Variants in DLGAP2 observed in about 807,000 individuals in gnomAD.
DLGAP2 encodes the protein DLG associated protein 2.
In DLGAP2, 26 loss-of-function variants were observed where a neutral mutation model predicts 100.3. The observed-to-expected ratio is 0.26, with a 90% CI of 0.19 to 0.36. DLGAP2 has a LOEUF of 0.36. Among genes scored for constraint, DLGAP2 ranks in the 10% least tolerant of loss-of-function variants. The pLI is 1.00. For missense variants in DLGAP2, 1,858 were observed against 1,453.2 expected, an observed-to-expected ratio of 1.28 and a Z score of -4.53; for synonymous variants, 886 against 630.1, an observed-to-expected ratio of 1.41 and a Z score of -6.08.
At chr8:1,629,413 C>A (rs1456116965) in intron 7 of DLGAP2, among the ~76,000 whole-genome samples, 2 of 152,166 alleles carry the variant, frequency 1.3e-5, no homozygotes, top group Non-Finnish European at 2.9e-5. Flanking sequence ...GTCCTCCAGC[C>A]CCCTGCTCCC....
At chr8:1,065,324 A>T (rs1329319368) in intron 2 of DLGAP2, among the ~76,000 whole-genome samples, 2 of 152,260 alleles carry the variant, frequency 1.3e-5, no homozygotes, top group African/African-American at 4.8e-5. Context: ...CGCATTTTTC[A>T]TATGACTAGC....
chr8:747,200 G>T (rs1239520738), intron 1 of DLGAP2, among the ~76,000 whole-genome samples: 1 of 152,050 alleles, frequency 6.6e-6, no homozygotes, highest in African/African-American at 2.4e-5. Flanking sequence ...CTGCTCTTCT[G>T]AGTTTGTGTA....
At chr8:854,228 G>A (rs1797234112) in intron 1 of DLGAP2, among the ~76,000 whole-genome samples, 1 of 152,186 alleles carries the variant, frequency 6.6e-6, no homozygotes. Flanking sequence ...ACCACCATGA[G>A]GGGGACAGCG....
chr8:1,167,570 A>T (rs1480517532), intron 2 of DLGAP2, among the ~76,000 whole-genome samples: 14 of 152,190 alleles, frequency 9.2e-5, no homozygotes, highest in African/African-American at 2.9e-4. Flanking sequence ...TAATCAGATG[A>T]TCATAAGTGG....
intron 3 of DLGAP2, among the ~76,000 whole-genome samples, chr8:1,364,509 GGT>G (rs1563107139): frequency 2.0e-5 from 3 of 148,462 alleles, no homozygotes; most frequent in Non-Finnish European, 3.0e-5. Flanking sequence ...GGGCGGGGGG[GGT>G]GCAGCGAAGC....
chr8:1,327,628 A>C (rs916097268), intron 3 of DLGAP2, among the ~76,000 whole-genome samples: 1 of 152,116 alleles, frequency 6.6e-6, no homozygotes, highest in Admixed American at 6.5e-5. Flanking sequence ...GTGGATCACG[A>C]GGTCAGGAGA....
At chr8:1,306,600 T>A (rs1800497381) in intron 3 of DLGAP2, among the ~76,000 whole-genome samples, 1 of 152,036 alleles carries the variant, frequency 6.6e-6, no homozygotes, top group South Asian at 2.1e-4. Context: ...TCTTGAAAAA[T>A]AAGAACTAAG....
At chr8:1,225,890 C>T (rs760212682) in intron 2 of DLGAP2, among the ~76,000 whole-genome samples, 12 of 152,088 alleles carry the variant, frequency 7.9e-5, no homozygotes, top group East Asian at 3.9e-4. Flanking sequence ...TTAGCCATTC[C>T]GTAATGTATG....
At chr8:1,590,802 C>G (rs1796267889) in intron 6 of DLGAP2, among the ~76,000 whole-genome samples, 1 of 152,186 alleles carries the variant, frequency 6.6e-6, no homozygotes, top group South Asian at 2.1e-4. Flanking sequence ...TTCGGAGGCT[C>G]CCTCTGGTCC....
intron 3 of DLGAP2, among the ~76,000 whole-genome samples, chr8:1,315,141 G>A (rs1236087415): frequency 6.6e-6 from 1 of 152,208 alleles, no homozygotes. Context: ...GAAGAGTAAA[G>A]CTTCCTGGAG....
intron 4 of DLGAP2, among the ~76,000 whole-genome samples, chr8:1,548,317 G>C (rs1252891515): frequency 4.0e-5 from 6 of 151,484 alleles, no homozygotes; most frequent in African/African-American, 1.2e-4. Flanking sequence ...AAATTAGCCG[G>C]GCGTGGTGGC....
At chr8:1,138,645 G>C (rs192518510) in intron 2 of DLGAP2, among the ~76,000 whole-genome samples, 4 of 152,392 alleles carry the variant, frequency 2.6e-5, no homozygotes, top group Admixed American at 2.6e-4. Flanking sequence ...TAAATGGAAT[G>C]TTGCTGGCCT....
chr8:1,076,444 G>A (rs1160109639), intron 2 of DLGAP2, among the ~76,000 whole-genome samples: 3 of 152,206 alleles, frequency 2.0e-5, no homozygotes, highest in Non-Finnish European at 2.9e-5. Context: ...GGGTTAGAGG[G>A]CAGGATGCTT....
chr8:894,808 T>A (rs1376840002), intron 1 of DLGAP2, among the ~76,000 whole-genome samples: 1 of 21,270 alleles, frequency 4.7e-5, no homozygotes, highest in Non-Finnish European at 8.2e-5. Context: ...AGCAGAGTGG[T>A]GGCTGGCAGG....
intron 4 of DLGAP2, among the ~76,000 whole-genome samples, chr8:1,516,739 ATGAG>A (rs1409622256): frequency 6.6e-6 from 1 of 151,226 alleles, no homozygotes; most frequent in Non-Finnish European, 1.5e-5. Flanking sequence ...GACTGAGAAA[ATGAG>A]TGGGTGACTG....
chr8:1,417,021 G>A (rs898774913), intron 3 of DLGAP2, among the ~76,000 whole-genome samples: 31 of 122,858 alleles, frequency 2.5e-4, no homozygotes, highest in Non-Finnish European at 3.8e-4. Context: ...TCACTCCTCC[G>A]AGCAGCCGTC....
intron 2 of DLGAP2, among the ~76,000 whole-genome samples, chr8:1,170,168 T>G (rs1797099098): frequency 6.6e-6 from 1 of 152,242 alleles, no homozygotes; most frequent in African/African-American, 2.4e-5. Context: ...TGGTTCTGTT[T>G]ATATGCTGGA....
At chr8:763,774 C>T (rs542407826) in intron 1 of DLGAP2, among the ~76,000 whole-genome samples, 2 of 152,018 alleles carry the variant, frequency 1.3e-5, no homozygotes, top group East Asian at 3.9e-4. Flanking sequence ...GTGGAAAACC[C>T]GATACTTGGT....
intron 2 of DLGAP2, chr8:1,137,378 CACCA>C (rs1454742479): frequency 1.3e-5 from 2 of 152,622 alleles, no homozygotes; most frequent in African/African-American, 4.8e-5. Flanking sequence ...CCATAGCACC[CACCA>C]AACCACAGAA....
Sources: allele counts gnomAD v4.1 joint callset (sites outside exome capture counted in the v4.1 genomes callset), GRCh38; gene constraint gnomAD v4.1.1; transcripts MANE v1.5; gene names NCBI Gene and HGNC (gene_info 2026-07-23, HGNC 2026-07-21).